The following PLD5 variants were observed in gnomAD, a reference collection of about 807,000 sequenced individuals.
PLD5 encodes phospholipase D family member 5, also known as inactive phospholipase D5.
Under a neutral mutation model 61.1 loss-of-function variants are expected in PLD5, and 36 were observed. The ratio of observed to expected loss-of-function variants is 0.59; its 90% CI spans 0.45 to 0.78. The LOEUF is 0.78. Among genes scored for constraint, PLD5 ranks in the 30% least tolerant of loss-of-function variants. PLD5 has a pLI of 0.00. For synonymous variants in PLD5, 243 were observed against 242.8 expected, an observed-to-expected ratio of 1.00 and a Z score of -0.01; for missense variants, 515 against 644.4, an observed-to-expected ratio of 0.80 and a Z score of 2.17.
chr1:242,529,441 G>A (rs1669508086), upstream of PLD5, among the ~76,000 whole-genome samples: 1 of 152,094 alleles, frequency 6.6e-6, no homozygotes, highest in South Asian at 2.1e-4. Flanking sequence ...ACAAAATCCT[G>A]CAAAGTAAAC....
At chr1:242,375,046 T>G (rs932199077) in intron 1 of PLD5, among the ~76,000 whole-genome samples, 1 of 152,182 alleles carries the variant, frequency 6.6e-6, no homozygotes, top group Non-Finnish European at 1.5e-5. Context: ...AATGCCATTT[T>G]GCACACCTGG....
At chr1:242,275,904 C>T (rs1427317349) in intron 3 of PLD5, among the ~76,000 whole-genome samples, 2 of 152,092 alleles carry the variant, frequency 1.3e-5, no homozygotes, top group Non-Finnish European at 2.9e-5. Flanking sequence ...AGCATTTAAC[C>T]CAGTGAAGGA....
At chr1:242,406,046 C>T (rs551646149) in intron 1 of PLD5, among the ~76,000 whole-genome samples, 3 of 152,272 alleles carry the variant, frequency 2.0e-5, no homozygotes, top group African/African-American at 7.2e-5. Flanking sequence ...TATTCATCTC[C>T]CAAAACCCAG....
chr1:242,341,150 T>A (rs12122362), intron 2 of PLD5, among the ~76,000 whole-genome samples: 8,856 of 151,774 alleles, frequency 0.058, 315 homozygotes, highest in Middle Eastern at 0.1. Flanking sequence ...TGCAATAGTG[T>A]CAAAAAGTAC....
chr1:242,523,976 C>A, intron 1 of PLD5, 112 bp downstream of exon 1: 4 of 1,218,102 alleles, frequency 3.3e-6, no homozygotes, highest in Admixed American at 2.8e-5. Context: ...TCGGCGCCTG[C>A]CAGGATCCCC....
At chr1:242,113,537 T>TA (rs1661709224) in intron 7 of PLD5, among the ~76,000 whole-genome samples, 1 of 152,252 alleles carries the variant, frequency 6.6e-6, no homozygotes, top group Admixed American at 6.5e-5. Flanking sequence ...ATATACTTGT[T>TA]AATAATTTTC....
intron 1 of PLD5, among the ~76,000 whole-genome samples, chr1:242,375,850 C>T (rs1042449749): frequency 7.2e-5 from 11 of 152,078 alleles, no homozygotes; most frequent in South Asian, 4.2e-4. Flanking sequence ...AATACACAGG[C>T]GGCTGCATTG....
chr1:242,502,215 C>T (rs931072693), intron 1 of PLD5, among the ~76,000 whole-genome samples: 1 of 152,184 alleles, frequency 6.6e-6, no homozygotes, highest in African/African-American at 2.4e-5. Flanking sequence ...ATATTTAAAA[C>T]ATAAGTCATC....
chr1:242,437,702 A>C (rs954047133), intron 1 of PLD5, among the ~76,000 whole-genome samples: 1 of 151,994 alleles, frequency 6.6e-6, no homozygotes, highest in Non-Finnish European at 1.5e-5. Context: ...AAAAAAATTT[A>C]GTTTACAAAC....
intron 5 of PLD5, among the ~76,000 whole-genome samples, chr1:242,143,723 CCT>C (rs1423076960): frequency 6.6e-6 from 1 of 152,134 alleles, no homozygotes; most frequent in Non-Finnish European, 1.5e-5. Flanking sequence ...AATGTAGCTG[CCT>C]CAGGGACCAG....
At chr1:242,361,175 T>A (rs1371321268) in intron 1 of PLD5, among the ~76,000 whole-genome samples, 1 of 152,160 alleles carries the variant, frequency 6.6e-6, no homozygotes, top group African/African-American at 2.4e-5. Flanking sequence ...ATTAGTTTAA[T>A]TTTATATTAT....
rs1669536754 is a variant in PLD5, at chr1:242,207,962, A to AC, written c.735+12025_735+12026insG. 8.0e-5 allele frequency among the ~76,000 whole-genome samples: 2 copies of AC among 25,030 alleles called. 1 individual carries two copies. The highest frequency in any genetic ancestry group is 2.9e-4 in the African/African-American group (2 of 6,930). The allele number at this position is 25,030 out of a possible 152,430, so 16.4% of individuals were successfully genotyped here. A position where few individuals can be genotyped will look rare whatever the true frequency, so the allele number is the denominator to read the frequency against. ...TATTTATATATATTTATTTATATATATTTATATATATTTTTATATATATAT... is the reference window on the plus strand; with the variant it reads ...TATTTATATATATTTATTTATATATACTTTATATATATTTTTATATATATAT... On this transcript the variant is annotated intron_variant, in intron 5 of 9. Transcript: ENST00000536534.
chr1:242,311,133 A>G (rs1676675117), intron 2 of PLD5, among the ~76,000 whole-genome samples: 1 of 151,134 alleles, frequency 6.6e-6, no homozygotes, highest in African/African-American at 2.4e-5. Flanking sequence ...CACACTAAGC[A>G]GGATAAACAA....
chr1:242,298,451 G>A (rs1675843704), intron 2 of PLD5, among the ~76,000 whole-genome samples: 2 of 152,192 alleles, frequency 1.3e-5, no homozygotes, highest in African/African-American at 2.4e-5. Flanking sequence ...GGCTCCCAGC[G>A]GCCAGGGGTC....
chr1:242,161,904 C>G (rs1231106392), intron 5 of PLD5, among the ~76,000 whole-genome samples: 1 of 152,166 alleles, frequency 6.6e-6, no homozygotes, highest in Non-Finnish European at 1.5e-5. Flanking sequence ...GATTCCTACT[C>G]TGGTTGATGA....
intron 5 of PLD5, among the ~76,000 whole-genome samples, chr1:242,143,768 G>C (rs1664345537): frequency 6.6e-6 from 1 of 152,098 alleles, no homozygotes; most frequent in Admixed American, 6.5e-5. Flanking sequence ...ATGACTAGAG[G>C]GGGCTGATAC....
intron 4 of PLD5, among the ~76,000 whole-genome samples, chr1:242,237,697 A>T (rs1297256495): frequency 6.6e-6 from 1 of 152,176 alleles, no homozygotes; most frequent in Non-Finnish European, 1.5e-5. Context: ...CATGGATGCC[A>T]TGTAGGCCAG....
At chr1:242,313,187 T>C (rs1676806922) in intron 2 of PLD5, among the ~76,000 whole-genome samples, 1 of 152,268 alleles carries the variant, frequency 6.6e-6, no homozygotes, top group Non-Finnish European at 1.5e-5. Context: ...ATCTTTCTTA[T>C]CTCCGTCAGG....
At chr1:242,525,122 G>A (rs987922328), upstream of PLD5, among the ~76,000 whole-genome samples, 7 of 150,864 alleles carry the variant, frequency 4.6e-5, no homozygotes, top group African/African-American at 1.5e-4. Context: ...CCCACCCCAA[G>A]GGACTTAGAG....
Sources: gnomAD v4.1 joint callset for allele counts (sites outside exome capture counted in the v4.1 genomes callset) on GRCh38, gnomAD v4.1.1 for gene constraint, MANE v1.5 for transcripts, NCBI Gene and HGNC (gene_info 2026-07-23, HGNC 2026-07-21) for gene names.